The following NAGPA variants were observed in gnomAD, a reference collection of about 807,000 sequenced individuals.
The protein encoded by NAGPA is alpha-N-acetylglucosaminyl phosphodiesterase.
A neutral mutation model predicts 48.5 loss-of-function variants in NAGPA; 56 were observed. The observed-to-expected ratio is 1.15, with a 90% CI of 0.93 to 1.44. The LOEUF is 1.44. Ranked by LOEUF, NAGPA falls within the 40% of genes most tolerant of loss-of-function variation. NAGPA has a pLI of 0.00. For synonymous variants in NAGPA, 399 were observed against 315.5 expected, an observed-to-expected ratio of 1.26 and a Z score of -2.81; for missense variants, 888 against 735.0, an observed-to-expected ratio of 1.21 and a Z score of -2.41.
At chr16:5,026,873 C>A (rs1291271895) in intron 9 of NAGPA, among the ~76,000 whole-genome samples, 1 of 152,178 alleles carries the variant, frequency 6.6e-6, no homozygotes, top group East Asian at 1.9e-4. Context: ...AGGAAACCTC[C>A]TGCCCCCACC....
chr16:5,032,942 G>C, intron 2 of NAGPA: 1 of 433,498 alleles, frequency 2.3e-6, no homozygotes, highest in Non-Finnish European at 4.2e-6. Flanking sequence ...TCACCCCGTT[G>C]GTTGCTTTGC....
intron 8 of NAGPA, 24 bp from the exon 9 acceptor site, chr16:5,027,222 G>A (rs1199976689): frequency 6.2e-7 from 1 of 1,614,228 alleles, no homozygotes; most frequent in East Asian, 2.2e-5. Context: ...GAGACAGGCT[G>A]AAGGGGCCGG....
At position 5,033,733 on chromosome 16, in the gene NAGPA, G is replaced by C. The variant is rs1320847349; in HGVS notation, c.87-5C>G. 6.2e-7 allele frequency: 1 copy of C among 1,601,614 alleles called. No homozygotes were observed. Among genetic ancestry groups the C allele is most frequent in the Non-Finnish European group, 8.5e-7 (1 of 1,176,194 alleles). ...AAGTCGTCGTCGCGGGAGGCCCTGCGGGGACGGGCGGCCGTGAGCTCAGGG... is the reference window on the plus strand; with the variant it reads ...AAGTCGTCGTCGCGGGAGGCCCTGCCGGGACGGGCGGCCGTGAGCTCAGGG... On this transcript the variant is annotated splice_polypyrimidine_tract_variant and splice_region_variant and intron_variant, in intron 1 of 9. Transcript: ENST00000312251. The surrounding 1 kb of genome is among the most constrained non-coding windows in gnomAD (Gnocchi z 4.2).
intron 2 of NAGPA, among the ~76,000 whole-genome samples, 186 bp from the exon 3 acceptor site, chr16:5,032,070 G>C (rs78055755): frequency 0.019 from 2,893 of 152,218 alleles, 88 homozygotes; most frequent in African/African-American, 0.066. Context: ...CAGAGCTGAA[G>C]CTGGACAGGG....
Position 5,029,026 on chromosome 16 carries a change from G to C in NAGPA, c.792-18C>G, listed in dbSNP as rs377215950. 12 of 1,611,630 alleles carry C rather than the reference G, an allele frequency of 7.4e-6. No homozygotes were observed. Among genetic ancestry groups the C allele is most frequent in the Non-Finnish European group, 1.0e-5 (12 of 1,180,008 alleles). Reference sequence around the variant, plus strand: ...GGTTGATGCTGCGGCACAAAGCGGCGCTGCTCAGGCTCAGCGCCCACCATC... The same window carrying C: ...GGTTGATGCTGCGGCACAAAGCGGCCCTGCTCAGGCTCAGCGCCCACCATC... On this transcript the variant is annotated intron_variant, in intron 4 of 9. Transcript: ENST00000312251.
At chr16:5,029,410 C>G (rs930574458) in intron 4 of NAGPA, 2 of 299,844 alleles carry the variant, frequency 6.7e-6, no homozygotes, top group East Asian at 8.9e-5. Context: ...CTTGAAGGAG[C>G]TGAGGCCCCA....
intron 3 of NAGPA, chr16:5,031,508 C>T (rs532937297): frequency 1.1e-5 from 6 of 554,388 alleles, no homozygotes; most frequent in African/African-American, 9.5e-5. Flanking sequence ...CCCCTTTCCC[C>T]TAACTTTATT....
intron 4 of NAGPA, chr16:5,029,239 C>G (rs183838769): frequency 7.6e-5 from 48 of 627,908 alleles, no homozygotes; most frequent in Non-Finnish European, 1.2e-4. Context: ...GGAAACGGCC[C>G]GGAGGATCTG....
intron 7 of NAGPA, 150 bp downstream of exon 7, chr16:5,027,696 G>A (rs1956026789): frequency 2.5e-6 from 3 of 1,222,840 alleles, no homozygotes; most frequent in Admixed American, 2.0e-5. Flanking sequence ...CCACAGGGGA[G>A]TCACACAGTG....
At chr16:5,031,958 C>T (rs1567141849) in intron 2 of NAGPA, 74 bp from the exon 3 acceptor site, 4 of 1,601,460 alleles carry the variant, frequency 2.5e-6, no homozygotes, top group Non-Finnish European at 3.4e-6. Context: ...TTCTCCCTAG[C>T]CATCCCAACC....
Position 5,031,730 on chromosome 16 carries a change from G to T in NAGPA, c.682+15C>A, listed in dbSNP as rs1440606847. The stretch of plus-strand genomic sequence containing the variant: ...GTTCTCGAGAGGGTTGTTGCCAACA[G>T]CCTCCCCATCCAACCTGTCTCCTGT... On this transcript the variant is annotated intron_variant, in intron 3 of 9. Transcript: ENST00000312251. 8.1e-6 allele frequency: 13 copies of T among 1,613,964 alleles called. No individual in the cohort carries two copies. Among genetic ancestry groups the T allele is most frequent in the Admixed American group, 1.7e-5 (1 of 59,976 alleles).
In NAGPA at chr16:5,033,484, C is replaced by A. The variant is rs1170002897; in HGVS notation, c.331G>T (p.Gly111Ter). 6.4e-7 allele frequency: 1 copy of A among 1,568,736 alleles called. No individual in the cohort carries two copies. Among genetic ancestry groups the A allele is most frequent in the Admixed American group, 1.8e-5 (1 of 55,990 alleles). ...CGTCTCGCCGCGCAGCCGCCGGGTCCACCGGGCTCCAGCACCGAGAAGGTG... is the reference window on the plus strand; with the variant it reads ...CGTCTCGCCGCGCAGCCGCCGGGTCAACCGGGCTCCAGCACCGAGAAGGTG... ...LRTFSVLEPG[G>*]PGGCAARRRA... The change falls in exon 2 of 10, where the codon GGA becomes TGA. Residue 111 changes from glycine (G) to a stop codon, truncating the protein, a stop_gained. Coordinates refer to ENST00000312251, the MANE Select transcript of NAGPA (RefSeq NM_016256.4). LOFTEE classifies it high-confidence loss of function. This position sits in a 1 kb window ranked among gnomAD's most constrained non-coding sequence, Gnocchi z 4.2.
At chr16:5,031,355 T>C (rs1180570165) in intron 3 of NAGPA, 1 of 319,872 alleles carries the variant, frequency 3.1e-6, no homozygotes, top group Non-Finnish European at 6.1e-6. Flanking sequence ...ACATAGACTC[T>C]TGGGCCTTGC....
rs1955981867 is a variant in NAGPA at position 5,025,528 on chromosome 16, C to A, written c.1498G>T (p.Ala500Ser). Residue 500 changes from alanine to serine, a missense_variant, in exon 10 of 10, where the codon GCC becomes TCC. Physicochemically the swap from Ala to Ser is moderately conservative, Grantham distance 99. Coordinates refer to ENST00000312251, the MANE Select transcript of NAGPA (RefSeq NM_016256.4). ...PLQEMNGEPL[A>S]AEKEQPGGAH... is the part of the protein sequence containing the mutation. ...CCCCCTGGCTGCTCCTTCTCTGCGG[C>A]CAGAGGCTCCCCGTTCATCTCCTGC... 2 of 1,613,106 alleles carry A rather than the reference C, an allele frequency of 1.2e-6. No homozygotes were observed. Among genetic ancestry groups the A allele is most frequent in the Non-Finnish European group, 1.7e-6 (2 of 1,180,032 alleles).
At position 5,025,407 on chromosome 16, in the gene NAGPA, AT is replaced by A; in HGVS notation, c.*70del. ...GATGGTCCACGCCAGTGGCCTTGAA[AT>A]TTCCCCTGCAGAAGCCAGACCGTGG... On this transcript the variant is annotated 3_prime_UTR_variant, in exon 10 of 10. Coordinates refer to ENST00000312251, the MANE Select transcript of NAGPA (RefSeq NM_016256.4). 1 of 1,577,092 alleles carries A rather than the reference AT, an allele frequency of 6.3e-7. No homozygotes were observed. The highest frequency in any genetic ancestry group is 8.7e-7 in the Non-Finnish European group (1 of 1,155,212).
intron 4 of NAGPA, 185 bp from the exon 5 acceptor site, chr16:5,029,193 T>C (rs1206262227): frequency 2.1e-6 from 2 of 955,768 alleles, no homozygotes; most frequent in Non-Finnish European, 3.2e-6. Context: ...CACCCATGCC[T>C]GTGCTGTTAC....
Position 5,033,737 on chromosome 16 carries a change from A to T in NAGPA, c.87-9T>A, listed in dbSNP as rs1303201428. 1.2e-6 allele frequency: 2 copies of T among 1,600,784 alleles called. No homozygotes were observed. Among genetic ancestry groups the T allele is most frequent in the East Asian group, 2.2e-5 (1 of 44,532 alleles). ...CGTCGTCGCGGGAGGCCCTGCGGGG[A>T]CGGGCGGCCGTGAGCTCAGGGGGCT... On this transcript the variant is annotated splice_polypyrimidine_tract_variant and intron_variant, in intron 1 of 9. Transcript: ENST00000312251. This position sits in a 1 kb window ranked among gnomAD's most constrained non-coding sequence, Gnocchi z 4.2.
At position 5,028,021 on chromosome 16, in the gene NAGPA, C is replaced by G. The variant is rs1262191798; in HGVS notation, c.1085G>C (p.Cys362Ser). 5 of 1,613,702 alleles carry G rather than the reference C, an allele frequency of 3.1e-6. No individual in the cohort carries two copies. Among genetic ancestry groups the G allele is most frequent in the Non-Finnish European group, 4.2e-6 (5 of 1,179,938 alleles). The change falls in exon 6 of 10, where the codon TGT becomes TCT. Residue 362 changes from cysteine to serine, a missense_variant. By Grantham distance (112) the Cys-to-Ser change is moderately radical. Coordinates refer to ENST00000312251, the MANE Select transcript of NAGPA (RefSeq NM_016256.4). ...GTGCTGGCTGCAGTTAGAGGGGCCACAGTCCAGCTCATCACAGCCGGGACC... is the reference window on the plus strand; with the variant it reads ...GTGCTGGCTGCAGTTAGAGGGGCCAGAGTCCAGCTCATCACAGCCGGGACC... The part of the protein sequence containing the change: ...WRGPGCDELD[C>S]GPSNCSQHGL...
chr16:5,031,553 T>C (rs1956096341), intron 3 of NAGPA, 192 bp downstream of exon 3: 2 of 748,772 alleles, frequency 2.7e-6, no homozygotes, highest in Admixed American at 2.2e-5. Flanking sequence ...CTTTTCAGCA[T>C]ATTCTATAAC....
Sources: allele counts gnomAD v4.1 joint callset (sites outside exome capture counted in the v4.1 genomes callset), GRCh38; gene constraint gnomAD v4.1.1; non-coding constraint Gnocchi (gnomAD v3.1); transcripts MANE v1.5; gene names NCBI Gene and HGNC (gene_info 2026-07-23, HGNC 2026-07-21).